Variants in ZIC4 observed in about 807,000 individuals in gnomAD.
ZIC4 encodes the protein Zic family zinc finger 4.
Under a neutral mutation model 28.8 loss-of-function variants are expected in ZIC4, and 15 were observed. That is an observed-to-expected ratio of 0.52 (90% CI 0.35 to 0.80). The LOEUF is 0.80. Among genes scored for constraint, ZIC4 ranks in the 30% least tolerant of loss-of-function variants. The pLI, the probability that ZIC4 is intolerant of heterozygous loss-of-function variation, is 0.01. For missense variants in ZIC4, 512 were observed against 467.1 expected (o/e 1.10, Z -0.89); for synonymous variants, 220 against 198.1 (o/e 1.11, Z -0.93).
In ZIC4 at chr3:147,388,705, C is replaced by G; in HGVS notation, c.*154G>C. 1.5e-6 allele frequency: 1 copy of G among 647,030 alleles called. No individual in the cohort carries two copies. The highest frequency in any genetic ancestry group is 2.8e-6 in the Non-Finnish European group (1 of 356,108). The allele number at this position is 647,030 out of a possible 1,614,324, so 40.1% of individuals were successfully genotyped here. Reference sequence around the variant, plus strand: ...TTGGCCTTTCAGGATTTCAGTGCGACTTGCACATTGCCATAGAAATCCTAA... The same window carrying G: ...TTGGCCTTTCAGGATTTCAGTGCGAGTTGCACATTGCCATAGAAATCCTAA... On this transcript the variant is annotated 3_prime_UTR_variant, in exon 5 of 5. Transcript: ENST00000383075.
intron 1 of ZIC4, chr3:147,404,310 C>T: frequency 2.9e-6 from 4 of 1,382,192 alleles, no homozygotes; most frequent in Non-Finnish European, 3.7e-6. Flanking sequence ...GCCTTTTGTG[C>T]ACTACAGACC....
intron 3 of ZIC4, among the ~76,000 whole-genome samples, chr3:147,393,110 G>C (rs2086960002): frequency 6.6e-6 from 1 of 151,652 alleles, no homozygotes; most frequent in African/African-American, 2.4e-5. Flanking sequence ...AATGGAATTA[G>C]AATTTGGTGC....
At chr3:147,402,691 C>A (rs2087191042) in intron 2 of ZIC4, 37 bp downstream of exon 2, 3 of 1,514,988 alleles carry the variant, frequency 2.0e-6, no homozygotes, top group East Asian at 2.3e-5. Flanking sequence ...AGAAAAGAAA[C>A]CAGCAAACCA....
intron 3 of ZIC4, chr3:147,393,712 C>G (rs574510902): frequency 1.9e-5 from 6 of 309,658 alleles, no homozygotes; most frequent in Admixed American, 4.6e-5. Flanking sequence ...TTTCCTCTAC[C>G]TCGGATCCCC....
intron 3 of ZIC4, chr3:147,392,563 G>A: frequency 2.2e-6 from 1 of 454,016 alleles, no homozygotes; most frequent in Non-Finnish European, 2.9e-6. Context: ...GCCTCCCAGC[G>A]CTCTGAGTTA....
In ZIC4 at chr3:147,387,921, AAC is replaced by A. The variant is rs1327758416; in HGVS notation, c.*936_*937del. 6.6e-6 allele frequency: 1 copy of A among 152,184 alleles called. No homozygotes were observed. Among genetic ancestry groups the A allele is most frequent in the Non-Finnish European group, 1.5e-5 (1 of 68,000 alleles). The allele number at this position is 152,184 out of a possible 1,614,324, so 9.4% of individuals were successfully genotyped here. A position where few individuals can be genotyped will look rare whatever the true frequency, so the allele number is the denominator to read the frequency against. On this transcript the variant is annotated 3_prime_UTR_variant, in exon 5 of 5. Coordinates refer to ENST00000383075, the MANE Select transcript of ZIC4 (RefSeq NM_032153.6). ...AGAGTCAGAAAGGCGATTTGCACAA[AAC>A]TGAGCTTGGAATGCTCATTTGTTAA... is the stretch of plus-strand genomic sequence containing the variant.
Position 147,395,834 on chromosome 3 carries a change from A to C in ZIC4, c.688+18T>G. On this transcript the variant is annotated intron_variant, in intron 3 of 4. Transcript: ENST00000383075. ...TCCCCAGAGGGTCCGCACGCGACAGACAGCGCCGAATACTGACCTGTGTGA... is the reference window on the plus strand; with the variant it reads ...TCCCCAGAGGGTCCGCACGCGACAGCCAGCGCCGAATACTGACCTGTGTGA... 2 of 1,595,260 alleles carry C rather than the reference A, an allele frequency of 1.3e-6. No individual in the cohort carries two copies. Among genetic ancestry groups the C allele is most frequent in the Non-Finnish European group, 8.6e-7 (1 of 1,168,032 alleles).
At position 147,395,998 on chromosome 3, in the gene ZIC4, T is replaced by C. The variant is rs2087033057; in HGVS notation, c.542A>G (p.Gln181Arg). The C allele has an allele frequency of 6.2e-7, 1 of 1,614,284 alleles. No individual in the cohort carries two copies. The highest frequency in any genetic ancestry group is 1.3e-5 in the African/African-American group (1 of 75,084). The change falls in exon 3 of 5, where the codon CAG becomes CGG. Residue 181 changes from glutamine (Q) to arginine (R), a missense_variant. By Grantham distance (43) the Gln-to-Arg change is conservative. Coordinates refer to ENST00000383075, the MANE Select transcript of ZIC4 (RefSeq NM_032153.6). ...GTATTTGGCTTTGAAGGGCTTTCCC[T>C]GGCGCGGACACTCCTCCCAGAAGCA... ...HICFWEECPR[Q>R]GKPFKAKYKL...
intron 3 of ZIC4, 112 bp downstream of exon 3, chr3:147,395,739 GA>G: frequency 6.7e-7 from 1 of 1,490,640 alleles, no homozygotes; most frequent in South Asian, 1.4e-5. Flanking sequence ...TTGGCTCATG[GA>G]AACAACCCCA....
rs2107954936 is a variant in ZIC4 at position 147,386,317 on chromosome 3, G to A, written c.*2542C>T. 6.6e-6 allele frequency: 1 copy of A among 152,576 alleles called. No individual in the cohort carries two copies. Among genetic ancestry groups the A allele is most frequent in the Admixed American group, 6.5e-5 (1 of 15,304 alleles). 9.5% of individuals were successfully genotyped at this position (152,576 alleles called of 1,614,324 possible). A position where few individuals can be genotyped will look rare whatever the true frequency, so the allele number is the denominator to read the frequency against. On this transcript the variant is annotated 3_prime_UTR_variant, in exon 5 of 5. Coordinates refer to ENST00000383075, the MANE Select transcript of ZIC4 (RefSeq NM_032153.6). The stretch of plus-strand genomic sequence containing the variant: ...ATCACAAACAGTGTGGGTAGAGAGG[G>A]TACAAATAGTCTAAAGATTTCAGCC...
At chr3:147,391,928 C>T (rs577595862) in intron 3 of ZIC4, 1 of 974,746 alleles carries the variant, frequency 1.0e-6, no homozygotes, top group African/African-American at 1.7e-5. Context: ...TTTCCTTCTA[C>T]CCCCTGAGGG....
At chr3:147,395,545 C>T (rs150394014) in intron 3 of ZIC4, among the ~76,000 whole-genome samples, 1 of 152,294 alleles carries the variant, frequency 6.6e-6, no homozygotes, top group Non-Finnish European at 1.5e-5. Context: ...GGGAACAATG[C>T]TGTTTTAAAA....
At position 147,402,744 on chromosome 3, in the gene ZIC4, G is replaced by A. The variant is rs1233577442; in HGVS notation, c.54C>T (p.Asn18=). Residue 18 remains asparagine, a synonymous_variant, in exon 2 of 5, where the codon AAC becomes AAT. Transcript: ENST00000383075. ...TTAACTTACTTGACTCTTTAAGAGT[G>A]TTTCGGTAAAGCCGTAATCGTTTCC... ...VMRKRLRLYR[N]TLKESSSSSG... is the part of the protein sequence containing the mutation. 10 of 1,613,316 alleles carry A rather than the reference G, an allele frequency of 6.2e-6. No homozygotes were observed. Among genetic ancestry groups the A allele is most frequent in the South Asian group, 1.1e-5 (1 of 91,000 alleles).
chr3:147,398,634 G>C (rs913592647), intron 2 of ZIC4, among the ~76,000 whole-genome samples: 2 of 152,080 alleles, frequency 1.3e-5, no homozygotes, highest in Non-Finnish European at 2.9e-5. Flanking sequence ...CGCTGCAGCC[G>C]AAAATGCCAG....
intron 4 of ZIC4, among the ~76,000 whole-genome samples, chr3:147,389,997 G>A (rs569785935): frequency 6.6e-6 from 1 of 152,114 alleles, no homozygotes; most frequent in African/African-American, 2.4e-5. Flanking sequence ...AAAAAGGCCC[G>A]GGGAGGCCTC....
chr3:147,388,880 A>C, intron 4 of ZIC4, 21 bp from the exon 5 acceptor site: 1 of 779,932 alleles, frequency 1.3e-6, no homozygotes, highest in Non-Finnish European at 2.4e-6. Flanking sequence ...CAAATGAAAA[A>C]TTAAAGGCGA....
intron 2 of ZIC4, among the ~76,000 whole-genome samples, chr3:147,398,366 A>G (rs1221207971): frequency 6.6e-6 from 1 of 151,978 alleles, no homozygotes; most frequent in Non-Finnish European, 1.5e-5. Context: ...TTCCCCTTCC[A>G]GGCTCTGAGA....
In ZIC4 at chr3:147,396,203, G is replaced by C. The variant is rs776998488; in HGVS notation, c.337C>G (p.Pro113Ala). The C allele has an allele frequency of 6.2e-7, 1 of 1,613,960 alleles. No homozygotes were observed. The highest frequency in any genetic ancestry group is 8.5e-7 in the Non-Finnish European group (1 of 1,180,012). The change falls in exon 3 of 5, where the codon CCT becomes GCT. Residue 113 changes from proline to alanine, a missense_variant. Pro to Ala is a conservative substitution (Grantham distance 27). This residue lies in a region of ZIC4 where 310 missense variants were observed against 256.5 expected (regional missense o/e 1.21). Coordinates refer to ENST00000383075, the MANE Select transcript of ZIC4 (RefSeq NM_032153.6). The surrounding 1 kb of genome is among the most constrained non-coding windows in gnomAD (Gnocchi z 4.2). ...CGCATGTAGCGGAAGAAAGCGCCAG[G>C]ACCGTGGGGCGCAGCGAGGTTCACC... is the stretch of plus-strand genomic sequence containing the variant. ...LTVNLAAPHG[P>A]GAFFRYMRQP...
chr3:147,405,161 G>T (rs2087248276), intron 1 of ZIC4, among the ~76,000 whole-genome samples: 2 of 152,204 alleles, frequency 1.3e-5, no homozygotes, highest in Non-Finnish European at 2.9e-5. Context: ...GGAGAAGCTT[G>T]GGTTTCCCAG....
Sources: gnomAD v4.1 joint callset for allele counts (sites outside exome capture counted in the v4.1 genomes callset) on GRCh38, gnomAD v4.1.1 for gene constraint, gnomAD v4.1.1 regional missense constraint, Gnocchi (gnomAD v3.1) non-coding constraint, MANE v1.5 for transcripts, NCBI Gene and HGNC (gene_info 2026-07-23, HGNC 2026-07-21) for gene names.